OTUB2: variants seen among roughly 807,000 people sequenced by gnomAD.
OTUB2 encodes the protein ubiquitin thioesterase OTUB2.
OTUB2 carries 21 observed loss-of-function variants against 25.1 expected under a neutral mutation model. That is an observed-to-expected ratio of 0.84 (90% CI 0.59 to 1.21). The LOEUF (loss-of-function observed/expected upper bound fraction) is 1.21, where lower values mean the gene tolerates loss of function less well. Among genes scored for constraint, OTUB2 ranks in the 50% most tolerant of loss-of-function variants. The pLI is 0.00. For missense variants in OTUB2, 283 were observed against 298.0 expected (o/e 0.95, Z 0.37); for synonymous variants, 122 against 122.8 (o/e 0.99, Z 0.04).
intron 3 of OTUB2, among the ~76,000 whole-genome samples, chr14:94,043,269 A>T (rs1422122305): frequency 6.6e-6 from 1 of 152,158 alleles, no homozygotes; most frequent in African/African-American, 2.4e-5. Flanking sequence ...GGGCTGGAGA[A>T]CTAGGTGTGG....
chr14:94,026,987 G>A lies in OTUB2; in HGVS notation c.3+447G>A, dbSNP rs547060968. Reference sequence around the variant, plus strand: ...CCTGGCCCCTGCCCCAACCCCAAGGGAGGATCTAGGGGTTGCACGGGGCAC... The same window carrying A: ...CCTGGCCCCTGCCCCAACCCCAAGGAAGGATCTAGGGGTTGCACGGGGCAC... On this transcript the variant is annotated intron_variant, in intron 1 of 5. Coordinates refer to ENST00000203664, the MANE Select transcript of OTUB2 (RefSeq NM_023112.4). Among the ~76,000 whole-genome samples, 5 of 152,376 alleles carry A rather than the reference G, an allele frequency of 3.3e-5. No homozygotes were observed. The South Asian group carries it at 1.0e-3, about 32-fold the overall frequency.
At chr14:94,043,064 T>C (rs1448085003) in intron 3 of OTUB2, among the ~76,000 whole-genome samples, 1 of 152,148 alleles carries the variant, frequency 6.6e-6, no homozygotes, top group South Asian at 2.1e-4. Context: ...TACTCCTCCT[T>C]CTGAGTTAGG....
intron 3 of OTUB2, among the ~76,000 whole-genome samples, chr14:94,042,384 A>C (rs576011179): frequency 6.6e-6 from 1 of 151,722 alleles, no homozygotes; most frequent in Admixed American, 6.5e-5. Context: ...CCCCCTTCTG[A>C]CAGAGCCTAC....
chr14:94,045,070 G>A (rs773686650), intron 5 of OTUB2, among the ~76,000 whole-genome samples: 3 of 152,178 alleles, frequency 2.0e-5, no homozygotes, highest in African/African-American at 7.2e-5. Context: ...TTTGCTTGAC[G>A]TGTTTATGAT....
chr14:94,037,740 GGTAA>G (rs1254101659), intron 2 of OTUB2, among the ~76,000 whole-genome samples: 1 of 152,026 alleles, frequency 6.6e-6, no homozygotes, highest in African/African-American at 2.4e-5. Context: ...AACTCTGTGA[GGTAA>G]GTACTTTTAT....
At position 94,047,881 on chromosome 14, in the gene OTUB2, G is replaced by A. The variant is rs114358468; in HGVS notation, c.*1959G>A. 2 of 152,144 alleles carry A rather than the reference G, an allele frequency of 1.3e-5. No homozygotes were observed. Among genetic ancestry groups the A allele is most frequent in the Admixed American group, 1.3e-4 (2 of 15,272 alleles). 9.4% of individuals were successfully genotyped at this position (152,144 alleles called of 1,614,324 possible). A position where few individuals can be genotyped will look rare whatever the true frequency, so the allele number is the denominator to read the frequency against. On this transcript the variant is annotated 3_prime_UTR_variant, in exon 6 of 6. Coordinates refer to ENST00000203664, the MANE Select transcript of OTUB2 (RefSeq NM_023112.4). ...CTGTGCTGTGCTTCCAGGTCACAGAGCCCCCCGGAAACTCACAGGGGCCCT... is the reference window on the plus strand; with the variant it reads ...CTGTGCTGTGCTTCCAGGTCACAGAACCCCCCGGAAACTCACAGGGGCCCT...
intron 1 of OTUB2, among the ~76,000 whole-genome samples, chr14:94,029,711 C>T (rs1473509452): frequency 2.6e-5 from 4 of 152,192 alleles, no homozygotes; most frequent in Non-Finnish European, 5.9e-5. Context: ...CAACCCATAA[C>T]ACTCCGTATA....
At chr14:94,034,852 C>T (rs1454914768) in intron 1 of OTUB2, among the ~76,000 whole-genome samples, 3 of 152,252 alleles carry the variant, frequency 2.0e-5, no homozygotes, top group Non-Finnish European at 2.9e-5. Context: ...CCCCAGCAGA[C>T]TTTTCATGGG....
chr14:94,039,996 A>G (rs185944522), intron 3 of OTUB2, among the ~76,000 whole-genome samples: 1 of 152,162 alleles, frequency 6.6e-6, no homozygotes, highest in African/African-American at 2.4e-5. Flanking sequence ...TGTCCTATGC[A>G]TTGTAGGCCT....
intron 2 of OTUB2, among the ~76,000 whole-genome samples, chr14:94,037,690 A>G (rs1885083913): frequency 1.3e-5 from 2 of 150,348 alleles, no homozygotes; most frequent in African/African-American, 2.4e-5. Context: ...AAAGTTTAGC[A>G]CTATCCTAAT....
Position 94,039,938 on chromosome 14 carries a change from C to T in OTUB2, c.218+857C>T, listed in dbSNP as rs148116880. The stretch of plus-strand genomic sequence containing the variant: ...TCTTTGGCTGAGGCAGGTTTCTCAA[C>T]GGCGGCATGACTGACGTTTTGGGCC... On this transcript the variant is annotated intron_variant, in intron 3 of 5. Coordinates refer to ENST00000203664, the MANE Select transcript of OTUB2 (RefSeq NM_023112.4). Among the ~76,000 whole-genome samples the T allele has an allele frequency of 5.9e-3, 895 of 152,220 alleles. 4 individuals carry two copies. Among genetic ancestry groups the T allele is most frequent in the African/African-American group, 0.021 (856 of 41,534 alleles).
At chr14:94,037,570 C>T (rs1885081175) in intron 2 of OTUB2, 95 bp downstream of exon 2, 9 of 760,348 alleles carry the variant, frequency 1.2e-5, no homozygotes, top group Non-Finnish European at 1.9e-5. Flanking sequence ...ATAGTTTGGG[C>T]CAGGTTCCTG....
chr14:94,032,166 G>A (rs988921667), intron 1 of OTUB2, among the ~76,000 whole-genome samples: 1 of 152,136 alleles, frequency 6.6e-6, no homozygotes, highest in Non-Finnish European at 1.5e-5. Flanking sequence ...GGGCCAAAGC[G>A]AGAATCCCCT....
intron 1 of OTUB2, among the ~76,000 whole-genome samples, chr14:94,031,407 T>C (rs1382243379): frequency 6.6e-6 from 1 of 152,070 alleles, no homozygotes; most frequent in African/African-American, 2.4e-5. Flanking sequence ...TTAGGTAATG[T>C]GGGCAGGTTT....
chr14:94,028,936 G>C (rs952151642), intron 1 of OTUB2, among the ~76,000 whole-genome samples: 2 of 152,198 alleles, frequency 1.3e-5, no homozygotes, highest in Non-Finnish European at 2.9e-5. Flanking sequence ...GGCGGGTGCG[G>C]GGGGACAGTG....
chr14:94,034,459 G>T (rs1206661182), intron 1 of OTUB2, among the ~76,000 whole-genome samples: 2 of 152,200 alleles, frequency 1.3e-5, no homozygotes, highest in African/African-American at 2.4e-5. Flanking sequence ...TAGCAGTTTG[G>T]CATGGTAGAA....
At chr14:94,045,586 A>G in intron 5 of OTUB2, 130 bp from the exon 6 acceptor site, 1 of 857,410 alleles carries the variant, frequency 1.2e-6, no homozygotes, top group South Asian at 1.7e-5. Context: ...TACCCAACTC[A>G]TGGGATGTTG....
intron 3 of OTUB2, among the ~76,000 whole-genome samples, chr14:94,041,313 G>C (rs570415644): frequency 1.3e-5 from 2 of 152,240 alleles, no homozygotes; most frequent in South Asian, 2.1e-4. Flanking sequence ...TGAAATGTCC[G>C]GGAGCCATAG....
intron 2 of OTUB2, among the ~76,000 whole-genome samples, chr14:94,038,502 C>A (rs549259458): frequency 1.3e-5 from 2 of 152,326 alleles, no homozygotes; most frequent in African/African-American, 4.8e-5. Flanking sequence ...GATTCCAGGC[C>A]AGTTCAGAGG....
Sources: allele counts gnomAD v4.1 joint callset (sites outside exome capture counted in the v4.1 genomes callset), GRCh38; gene constraint gnomAD v4.1.1; transcripts MANE v1.5; gene names NCBI Gene and HGNC (gene_info 2026-07-23, HGNC 2026-07-21).